RARB: variants seen among roughly 807,000 people sequenced by gnomAD.
RARB encodes retinoic acid receptor beta, also known as HBV-activated protein.
RARB carries 17 observed loss-of-function variants against 51.9 expected under a neutral mutation model. That is an observed-to-expected ratio of 0.33 (90% CI 0.22 to 0.49). The LOEUF (loss-of-function observed/expected upper bound fraction) is 0.49. Ranked by LOEUF, RARB falls within the 20% of genes least tolerant of loss-of-function variation. The pLI is 0.99. For synonymous variants in RARB, 215 were observed against 195.4 expected (o/e 1.10, Z -0.84); for missense variants, 369 against 550.8 (o/e 0.67, Z 3.30).
At chr3:25,235,719 TGC>T (rs2125392993) in intron 5 of RARB, among the ~76,000 whole-genome samples, 1 of 152,298 alleles carries the variant, frequency 6.6e-6, no homozygotes, top group Admixed American at 6.5e-5. Context: ...AAGACATGCG[TGC>T]GAGCACACAT....
chr3:25,302,089 A>C (rs1704054332), intron 5 of RARB, among the ~76,000 whole-genome samples: 1 of 152,224 alleles, frequency 6.6e-6, no homozygotes, highest in African/African-American at 2.4e-5. Context: ...ACTACTTTAT[A>C]CTCACTACCA....
rs6763331 is a variant in RARB, at chr3:25,398,114, A to C, written c.179-63079A>C. 2.9e-3 allele frequency among the ~76,000 whole-genome samples: 438 copies of C among 152,236 alleles called. 4 individuals are homozygous for C. The highest frequency in any genetic ancestry group is 9.0e-3 in the African/African-American group (376 of 41,550). ...TTATTCCATCTCAATTTATGTATCC[A>C]GGCACTAGTTTCCACCAAAATAGAA... On this transcript the variant is annotated intron_variant, in intron 5 of 11. Transcript: ENST00000383772.
At chr3:24,857,706 G>A (rs1028903994) in intron 1 of RARB, among the ~76,000 whole-genome samples, 12 of 152,164 alleles carry the variant, frequency 7.9e-5, no homozygotes, top group African/African-American at 2.9e-4. Flanking sequence ...ATTGAGCGTA[G>A]GAGTTCAAGA....
chr3:25,169,785 C>A (rs1015368119), intron 4 of RARB, among the ~76,000 whole-genome samples: 4 of 151,820 alleles, frequency 2.6e-5, no homozygotes, highest in Non-Finnish European at 5.9e-5. Flanking sequence ...TCCAGGAGTT[C>A]GAGACCAGCC....
intron 2 of RARB, among the ~76,000 whole-genome samples, chr3:24,943,139 A>G (rs1281347183): frequency 6.6e-6 from 1 of 152,186 alleles, no homozygotes; most frequent in African/African-American, 2.4e-5. Flanking sequence ...AGACTATGTA[A>G]GGGATAATTT....
chr3:25,341,891 T>A (rs1005346509), intron 5 of RARB, among the ~76,000 whole-genome samples: 3 of 152,058 alleles, frequency 2.0e-5, no homozygotes. Context: ...GCTAATTTCC[T>A]GTAATATCCT....
intron 5 of RARB, among the ~76,000 whole-genome samples, chr3:25,184,866 T>C (rs1487137521): frequency 6.6e-6 from 1 of 151,568 alleles, no homozygotes; most frequent in Admixed American, 6.6e-5. Context: ...CACTCCAGCC[T>C]GGGCAGCAAA....
intron 2 of RARB, among the ~76,000 whole-genome samples, chr3:24,954,759 C>G (rs1481286975): frequency 6.6e-6 from 1 of 152,012 alleles, no homozygotes; most frequent in Non-Finnish European, 1.5e-5. Context: ...GGAAGCAGTT[C>G]TAAGATAAGA....
chr3:25,227,435 C>G (rs1204580094), intron 5 of RARB, among the ~76,000 whole-genome samples: 1 of 152,112 alleles, frequency 6.6e-6, no homozygotes, highest in Non-Finnish European at 1.5e-5. Flanking sequence ...TTCCCCCACT[C>G]TGCCAAAATT....
At chr3:24,918,748 G>A (rs1449723106) in intron 2 of RARB, among the ~76,000 whole-genome samples, 1 of 152,104 alleles carries the variant, frequency 6.6e-6, no homozygotes, top group Non-Finnish European at 1.5e-5. Context: ...AAAATTAGCT[G>A]GTCGTGGTGG....
intron 2 of RARB, among the ~76,000 whole-genome samples, chr3:24,865,574 C>T (rs1353140778): frequency 6.6e-6 from 1 of 152,116 alleles, no homozygotes; most frequent in Non-Finnish European, 1.5e-5. Flanking sequence ...TTTACTGAGT[C>T]TCACGTAGCC....
chr3:25,592,998 T>G (rs1217663364), intron 5 of RARB, among the ~76,000 whole-genome samples: 1 of 152,192 alleles, frequency 6.6e-6, no homozygotes, highest in Non-Finnish European at 1.5e-5. Flanking sequence ...CACCTAACCT[T>G]TCTGAGCCTT....
intron 2 of RARB, among the ~76,000 whole-genome samples, chr3:24,931,084 T>G (rs939047842): frequency 6.6e-6 from 1 of 152,042 alleles, no homozygotes; most frequent in Admixed American, 6.6e-5. Context: ...AACTCTTAAG[T>G]AGAGAAGCTG....
chr3:25,416,651 A>G (rs983823389), intron 5 of RARB, among the ~76,000 whole-genome samples: 3 of 152,254 alleles, frequency 2.0e-5, no homozygotes, highest in Admixed American at 6.5e-5. Flanking sequence ...AGCAGCAAAG[A>G]CAATATGTAA....
chr3:25,285,722 C>T (rs952533253), intron 5 of RARB, among the ~76,000 whole-genome samples: 1 of 152,114 alleles, frequency 6.6e-6, no homozygotes, highest in African/African-American at 2.4e-5. Context: ...TGTGACTATG[C>T]CCATTTTACC....
At chr3:24,999,998 A>T (rs1697125005) in intron 2 of RARB, among the ~76,000 whole-genome samples, 1 of 57,136 alleles carries the variant, frequency 1.8e-5, no homozygotes, top group Non-Finnish European at 3.1e-5. Flanking sequence ...CACTCCTGAG[A>T]TCTGTCCAGG....
chr3:25,111,607 C>T (rs562686569), intron 3 of RARB, among the ~76,000 whole-genome samples: 3 of 100,154 alleles, frequency 3.0e-5, no homozygotes, highest in African/African-American at 3.9e-5. Context: ...TTTTTTGAGA[C>T]GGAGTCTGTC....
At chr3:25,392,714 C>T (rs1297929455) in intron 5 of RARB, among the ~76,000 whole-genome samples, 3 of 151,998 alleles carry the variant, frequency 2.0e-5, no homozygotes, top group African/African-American at 4.8e-5. Flanking sequence ...CATAGCAGTG[C>T]TACTGATTTG....
intron 1 of RARB, among the ~76,000 whole-genome samples, chr3:25,450,195 G>A (rs1248025725): frequency 1.3e-5 from 2 of 152,172 alleles, no homozygotes; most frequent in Non-Finnish European, 2.9e-5. Flanking sequence ...TGTTTGACTA[G>A]ACTCTGGAGA....
Sources: allele counts gnomAD v4.1 joint callset (sites outside exome capture counted in the v4.1 genomes callset), GRCh38; gene constraint gnomAD v4.1.1; transcripts MANE v1.5; gene names NCBI Gene and HGNC (gene_info 2026-07-23, HGNC 2026-07-21).